SYTL2: variants seen among roughly 807,000 people sequenced by gnomAD.
SYTL2 encodes the protein synaptotagmin-like protein 2.
In SYTL2, 165 loss-of-function variants were observed where a neutral mutation model predicts 198.7. The ratio of observed to expected loss-of-function variants is 0.83; its 90% CI spans 0.73 to 0.94. The LOEUF (loss-of-function observed/expected upper bound fraction) is 0.94. SYTL2 is among the 40% of genes least tolerant of loss of function. The pLI is 0.00. For synonymous variants in SYTL2, 966 were observed against 917.7 expected, an observed-to-expected ratio of 1.05 and a Z score of -0.95; for missense variants, 2,835 against 2,582.8, an observed-to-expected ratio of 1.10 and a Z score of -2.12.
rs1378425118 is a variant in SYTL2, at chr11:85,694,491, C to G, written c.*704G>C. The G allele has an allele frequency of 6.6e-6, 1 of 152,122 alleles. No individual in the cohort carries two copies. The highest frequency in any genetic ancestry group is 2.4e-5 in the African/African-American group (1 of 41,422). The allele number at this position is 152,122 out of a possible 1,614,324, so 9.4% of individuals were successfully genotyped here. A position where few individuals can be genotyped will look rare whatever the true frequency, so the allele number is the denominator to read the frequency against. ...ATATGCAGGGTTTTAAAAAAATAAA[C>G]TCATAAAAATACAGGCTTGAGACCT... On this transcript the variant is annotated 3_prime_UTR_variant, in exon 20 of 20. Transcript: ENST00000359152.
chr11:85,737,450 T>C (rs1353834507), intron 5 of SYTL2, 125 bp downstream of exon 5: 6 of 695,028 alleles, frequency 8.6e-6, no homozygotes, highest in Non-Finnish European at 1.5e-5. Flanking sequence ...ATAGTGAAAA[T>C]TACCTGTATT....
chr11:85,794,418 A>T (rs914577059), intron 1 of SYTL2, among the ~76,000 whole-genome samples: 9 of 152,058 alleles, frequency 5.9e-5, no homozygotes, highest in Non-Finnish European at 1.3e-4. Flanking sequence ...GCCTCAAGTG[A>T]TCCTCACACC....
In SYTL2 at chr11:85,799,868, A is replaced by G. The variant is rs1028988622; in HGVS notation, c.-390+11086T>C. On this transcript the variant is annotated intron_variant, in intron 1 of 19. Coordinates refer to ENST00000359152, the MANE Select transcript of SYTL2 (RefSeq NM_206927.4). Reference sequence around the variant, plus strand: ...AACAATTTGGCACACAAACATAGAAAACACTCAGTGAGTATCTATCAAATA... The same window carrying G: ...AACAATTTGGCACACAAACATAGAAGACACTCAGTGAGTATCTATCAAATA... Among the ~76,000 whole-genome samples, 14 of 152,338 alleles carry G rather than the reference A, an allele frequency of 9.2e-5. No individual in the cohort carries two copies. The East Asian group carries it at 2.7e-3, about 29-fold the overall frequency.
intron 12 of SYTL2, among the ~76,000 whole-genome samples, chr11:85,712,152 A>G (rs2086411726): frequency 6.6e-6 from 1 of 152,222 alleles, no homozygotes; most frequent in African/African-American, 2.4e-5. Flanking sequence ...GGACCATGCA[A>G]TTATGCATCA....
chr11:85,756,499 C>T (rs1466840208), intron 2 of SYTL2, among the ~76,000 whole-genome samples: 1 of 152,092 alleles, frequency 6.6e-6, no homozygotes, highest in African/African-American at 2.4e-5. Context: ...ATTTGATTCT[C>T]ACTTCTGACA....
the SYTL2 span, among the ~76,000 whole-genome samples, chr11:85,847,513 A>G: frequency 5.9e-5 from 9 of 152,252 alleles, no homozygotes; most frequent in African/African-American, 2.2e-4. Context: ...TGGGTCATAC[A>G]GTATATGTGT....
At chr11:85,755,699 T>C (rs1247763633) in intron 2 of SYTL2, among the ~76,000 whole-genome samples, 1 of 152,160 alleles carries the variant, frequency 6.6e-6, no homozygotes, top group Non-Finnish European at 1.5e-5. Context: ...ACACCTTCAC[T>C]CTATTCAGAC....
chr11:85,718,923 C>G (rs1254729912), intron 9 of SYTL2, 80 bp from the exon 10 acceptor site: 3 of 1,571,810 alleles, frequency 1.9e-6, no homozygotes, highest in Admixed American at 1.8e-5. Flanking sequence ...CCTGGAAGCC[C>G]CCGGAGTTGG....
chr11:85,836,537 C>T, the SYTL2 span, among the ~76,000 whole-genome samples: 1 of 151,908 alleles, frequency 6.6e-6, no homozygotes, highest in Non-Finnish European at 1.5e-5. Flanking sequence ...ACCCTAAATG[C>T]CCCCTTCTAC....
chr11:85,783,085 A>C (rs1356720598), intron 1 of SYTL2, among the ~76,000 whole-genome samples: 2 of 152,134 alleles, frequency 1.3e-5, no homozygotes, highest in Non-Finnish European at 2.9e-5. Context: ...GTATTAGTCC[A>C]TTCTTATGCT....
In SYTL2 at chr11:85,725,219, T is replaced by G; in HGVS notation, c.4139A>C (p.Glu1380Ala). 1 of 1,614,100 alleles carries G rather than the reference T, an allele frequency of 6.2e-7. No homozygotes were observed. The highest frequency in any genetic ancestry group is 8.5e-7 in the Non-Finnish European group (1 of 1,179,998). Reference sequence around the variant, plus strand: ...TCCAGCTGGATAACTTAACCATACTTCTCCACACAGCTTCTGTAATGCAGC... The same window carrying G: ...TCCAGCTGGATAACTTAACCATACTGCTCCACACAGCTTCTGTAATGCAGC... ...VSAALQKLCG[E>A]VWLSYPAGRE... is the part of the protein sequence containing the mutation. Residue 1380 changes from glutamate to alanine, a missense_variant, in exon 8 of 20, where the codon GAA (glutamate) becomes GCA (alanine). This residue lies in a region of SYTL2 where 2,645 missense variants were observed against 2,381.7 expected (regional missense o/e 1.11). Transcript: ENST00000359152.
At chr11:85,809,413 C>T (rs1192328505) in intron 1 of SYTL2, among the ~76,000 whole-genome samples, 2 of 152,198 alleles carry the variant, frequency 1.3e-5, no homozygotes, top group Non-Finnish European at 2.9e-5. Context: ...GAAACTCCTG[C>T]ACCATAAATG....
intron 1 of SYTL2, among the ~76,000 whole-genome samples, chr11:85,801,018 C>A (rs1271923857): frequency 1.3e-5 from 2 of 152,202 alleles, no homozygotes; most frequent in African/African-American, 4.8e-5. Context: ...GCTAGAAACA[C>A]AGAAACACAC....
chr11:85,738,353 C>A (rs552663565), intron 4 of SYTL2, among the ~76,000 whole-genome samples: 3 of 152,250 alleles, frequency 2.0e-5, no homozygotes, highest in East Asian at 3.9e-4. Context: ...TACTTCCTTT[C>A]ATTGTTCCAG....
chr11:85,797,886 C>CCCAGTCACTCCAG, intron 1 of SYTL2, among the ~76,000 whole-genome samples: 2 of 152,110 alleles, frequency 1.3e-5, no homozygotes, highest in East Asian at 3.9e-4. Flanking sequence ...AGGAGTCTCA[C>CCCAGTCACTCCAG]TCTGTCACCC....
At chr11:85,833,146 GGAAGGAAGGAAA>G in the SYTL2 span, among the ~76,000 whole-genome samples, 672 of 82,690 alleles carry the variant, frequency 8.1e-3, 37 homozygotes, top group Non-Finnish European at 0.013. Flanking sequence ...AAGGAAGGAA[GGAAGGAAGGAAA>G]GAAAGAAAGA....
chr11:85,707,446 A>T lies in SYTL2; in HGVS notation c.6001T>A (p.Tyr2001Asn). 1 of 1,613,764 alleles carries T rather than the reference A, an allele frequency of 6.2e-7. No homozygotes were observed. Among genetic ancestry groups the T allele is most frequent in the African/African-American group, 1.3e-5 (1 of 75,020 alleles). The stretch of plus-strand genomic sequence containing the variant: ...ATAGATACCCGCAGTATTTCGTTAT[A>T]CACAGGATTCAAGGTTTTCTTCACT... Reference protein sequence around the residue: ...LVVKKTLNPVYNEILRYKIEK... With the variant: ...LVVKKTLNPVNNEILRYKIEK... The change falls in exon 15 of 20, where the codon TAT becomes AAT. Residue 2001 changes from tyrosine (Y) to asparagine (N), a missense_variant. By Grantham distance (143) the Tyr-to-Asn change is moderately radical. Transcript: ENST00000359152.
In SYTL2 at chr11:85,727,158, TTC is replaced by T; in HGVS notation, c.2198_2199del (p.Arg733LysfsTer20). Reference sequence around the variant, plus strand: ...ATATAGGTATTTCCTACTTTGCTCTTTCTCTCTGCATTCATGTTATCTTTCAA... The same window carrying T: ...ATATAGGTATTTCCTACTTTGCTCTTTCTCTGCATTCATGTTATCTTTCAA... ...PGLKDNMNAE[R>X]KSKVGNTYIL... On this transcript the variant is annotated frameshift_variant, in exon 8 of 20. Transcript: ENST00000359152. LOFTEE classifies it high-confidence loss of function. 1 of 1,536,470 alleles carries T rather than the reference TTC, an allele frequency of 6.5e-7. No individual in the cohort carries two copies. The highest frequency in any genetic ancestry group is 8.7e-7 in the Non-Finnish European group (1 of 1,146,914).
the SYTL2 span, among the ~76,000 whole-genome samples, chr11:85,825,155 G>A: frequency 6.6e-6 from 1 of 152,120 alleles, no homozygotes; most frequent in Non-Finnish European, 1.5e-5. Flanking sequence ...TTGGGAGGCC[G>A]AGGCGGGCGG....
Sources: gnomAD v4.1 joint callset for allele counts (sites outside exome capture counted in the v4.1 genomes callset) on GRCh38, gnomAD v4.1.1 for gene constraint, gnomAD v4.1.1 regional missense constraint, MANE v1.5 for transcripts, NCBI Gene and HGNC (gene_info 2026-07-23, HGNC 2026-07-21) for gene names.